The following NINL variants were observed in gnomAD, a reference collection of about 807,000 sequenced individuals.
NINL encodes the protein ninein like, also known as ninein-like protein.
NINL carries 153 observed loss-of-function variants against 160.3 expected under a neutral mutation model. The observed-to-expected ratio is 0.95, with a 90% CI of 0.84 to 1.09. The LOEUF (loss-of-function observed/expected upper bound fraction) is 1.09, where lower values mean the gene tolerates loss of function less well. Ranked by LOEUF, NINL falls within the 50% of genes least tolerant of loss-of-function variation. The probability of loss-of-function intolerance (pLI) is 0.00; values close to 1 mark genes in which losing one functional copy is unlikely to be tolerated. For missense variants in NINL, 1,829 were observed against 1,764.0 expected, an observed-to-expected ratio of 1.04 and a Z score of -0.66; for synonymous variants, 800 against 734.8, an observed-to-expected ratio of 1.09 and a Z score of -1.43.
Position 25,520,342 on chromosome 20 carries a change from T to C in NINL, c.181-2493A>G, listed in dbSNP as rs542660765. On this transcript the variant is annotated intron_variant, in intron 2 of 23. Transcript: ENST00000278886. ...GGAGAAGAAGGTTTGGGGCCATAGGTCCAAGCATGCTTCCAAAATCTGACC... is the reference window on the plus strand; with the variant it reads ...GGAGAAGAAGGTTTGGGGCCATAGGCCCAAGCATGCTTCCAAAATCTGACC... Among the ~76,000 whole-genome samples, 14 of 152,310 alleles carry C rather than the reference T, an allele frequency of 9.2e-5. No individual in the cohort carries two copies. The East Asian group carries it at 2.7e-3, about 29-fold the overall frequency.
At chr20:25,551,529 C>T (rs2064807489) in intron 1 of NINL, among the ~76,000 whole-genome samples, 1 of 152,074 alleles carries the variant, frequency 6.6e-6, no homozygotes, top group South Asian at 2.1e-4. Flanking sequence ...AGTCTGAGGA[C>T]GCACCCAGGG....
chr20:25,456,747 A>G (rs920918110), intron 22 of NINL, among the ~76,000 whole-genome samples: 22 of 151,690 alleles, frequency 1.5e-4, no homozygotes, highest in Admixed American at 1.1e-3. Context: ...CCTGGCCAGC[A>G]TGGTGAAATC....
At chr20:25,490,377 G>A (rs1187240543) in intron 11 of NINL, among the ~76,000 whole-genome samples, 1 of 152,104 alleles carries the variant, frequency 6.6e-6, no homozygotes, top group Non-Finnish European at 1.5e-5. Flanking sequence ...TGGCTAACAT[G>A]GTGAAACCCC....
intron 5 of NINL, among the ~76,000 whole-genome samples, chr20:25,509,417 G>C (rs2064026226): frequency 6.6e-6 from 1 of 152,270 alleles, no homozygotes; most frequent in Admixed American, 6.5e-5. Context: ...GAGCACTGCA[G>C]CCCTGCTCCT....
chr20:25,501,935 AT>A (rs918109256), intron 7 of NINL, among the ~76,000 whole-genome samples: 1 of 151,862 alleles, frequency 6.6e-6, no homozygotes, highest in East Asian at 1.9e-4. Flanking sequence ...GTCCTCATTG[AT>A]TTTTTTCACC....
intron 10 of NINL, 107 bp from the exon 11 acceptor site, chr20:25,491,632 G>T: frequency 7.4e-7 from 1 of 1,350,426 alleles, no homozygotes; most frequent in Non-Finnish European, 1.0e-6. Flanking sequence ...CCTGTCCTCA[G>T]CACGTGCAGG....
chr20:25,485,367 G>A (rs2063486195), intron 13 of NINL, among the ~76,000 whole-genome samples: 1 of 152,196 alleles, frequency 6.6e-6, no homozygotes, highest in African/African-American at 2.4e-5. Flanking sequence ...CCTATCAAAG[G>A]CTTAATAAGC....
At chr20:25,486,305 A>G (rs1291342148) in intron 13 of NINL, among the ~76,000 whole-genome samples, 1 of 152,254 alleles carries the variant, frequency 6.6e-6, no homozygotes, top group Non-Finnish European at 1.5e-5. Flanking sequence ...TTTAAATATA[A>G]AATATCTCTG....
rs764940449 is a variant in NINL at position 25,504,038 on chromosome 20, G to A, written c.775C>T (p.Gln259Ter). The change falls in exon 7 of 24, where the codon CAG becomes TAG. Residue 259 changes from glutamine to a stop codon, truncating the protein, a stop_gained. Coordinates refer to ENST00000278886, the MANE Select transcript of NINL (RefSeq NM_025176.6). LOFTEE classifies it high-confidence loss of function. Reference protein sequence around the residue: ...GDGKVSLEEFQLGLFSHEPAL... With the variant: ...GDGKVSLEEF ...GGCTCATGACTGAAGAGGCCAAGCT[G>A]GAATTCCTCAAGACTCACTTTGCCG... is the stretch of plus-strand genomic sequence containing the variant. 4.2e-5 allele frequency: 67 copies of A among 1,611,230 alleles called. No homozygotes were observed. The highest frequency in any genetic ancestry group is 5.2e-5 in the Non-Finnish European group (61 of 1,179,022).
At chr20:25,513,345 C>T (rs1040928570) in intron 3 of NINL, among the ~76,000 whole-genome samples, 1 of 152,170 alleles carries the variant, frequency 6.6e-6, no homozygotes, top group Non-Finnish European at 1.5e-5. Context: ...ATAAAACCTC[C>T]AATAATCCAA....
chr20:25,488,290 A>G (rs2063546159), intron 13 of NINL, among the ~76,000 whole-genome samples: 1 of 152,042 alleles, frequency 6.6e-6, no homozygotes, highest in African/African-American at 2.4e-5. Flanking sequence ...CAGTGGTGCG[A>G]TCTCGGCTCA....
chr20:25,580,429 T>C (rs1174643528), intron 1 of NINL, among the ~76,000 whole-genome samples: 1 of 152,132 alleles, frequency 6.6e-6, no homozygotes, highest in Non-Finnish European at 1.5e-5. Flanking sequence ...TCAAACTTGA[T>C]TGCTTCAGAG....
At position 25,480,268 on chromosome 20, in the gene NINL, C is replaced by T. The variant is rs368992672; in HGVS notation, c.1811-1G>A. 6.2e-7 allele frequency: 1 copy of T among 1,613,138 alleles called. No homozygotes were observed. Among genetic ancestry groups the T allele is most frequent in the African/African-American group, 1.3e-5 (1 of 74,900 alleles). On this transcript the variant is annotated splice_acceptor_variant, in intron 14 of 23. Coordinates refer to ENST00000278886, the MANE Select transcript of NINL (RefSeq NM_025176.6). LOFTEE classifies it high-confidence loss of function. ...GCAGAATTACCCAGGAATGAAATGC[C>T]TGCAAACAAGAGGCCACTTCCGTTT...
chr20:25,515,719 CAGTG>C (rs1488225821), intron 3 of NINL, among the ~76,000 whole-genome samples: 1 of 152,052 alleles, frequency 6.6e-6, no homozygotes, highest in African/African-American at 2.4e-5. Context: ...GTTTTTGTGA[CAGTG>C]AGTGAGTTCT....
chr20:25,526,632 G>C lies in NINL; in HGVS notation c.-11-34C>G, dbSNP rs141651341. The C allele has an allele frequency of 4.7e-3, 7,451 of 1,587,296 alleles. 49 individuals are homozygous for C. The highest frequency in any genetic ancestry group is 0.017 in the South Asian group (1,474 of 89,036). ...GTGCAAGGGAAGAAGAAAACATCAG[G>C]ACACTTTCCCACCTCCCCTCCCATT... is the stretch of plus-strand genomic sequence containing the variant. On this transcript the variant is annotated intron_variant, in intron 1 of 23. Transcript: ENST00000278886.
chr20:25,463,235 C>G (rs2062835405), intron 19 of NINL, among the ~76,000 whole-genome samples: 1 of 152,118 alleles, frequency 6.6e-6, no homozygotes, highest in African/African-American at 2.4e-5. Flanking sequence ...TATGCCATGA[C>G]CGTCCAAACC....
At chr20:25,531,650 A>G (rs1390658774) in intron 1 of NINL, among the ~76,000 whole-genome samples, 1 of 152,134 alleles carries the variant, frequency 6.6e-6, no homozygotes, top group Non-Finnish European at 1.5e-5. Flanking sequence ...CCTGCATCGA[A>G]CATCCCTGCT....
chr20:25,548,378 C>G (rs1374165187), intron 1 of NINL, among the ~76,000 whole-genome samples: 4 of 152,198 alleles, frequency 2.6e-5, no homozygotes, highest in Non-Finnish European at 5.9e-5. Context: ...AGGGGGAAAT[C>G]AGAGGACACC....
intron 1 of NINL, among the ~76,000 whole-genome samples, chr20:25,551,223 C>T (rs2064804368): frequency 6.6e-6 from 1 of 152,162 alleles, no homozygotes; most frequent in South Asian, 2.1e-4. Context: ...AGATTAACAG[C>T]ATCTCAAGGC....
Sources: gnomAD v4.1 joint callset for allele counts (sites outside exome capture counted in the v4.1 genomes callset) on GRCh38, gnomAD v4.1.1 for gene constraint, MANE v1.5 for transcripts, NCBI Gene and HGNC (gene_info 2026-07-23, HGNC 2026-07-21) for gene names.